The following ARHGAP18 variants were observed in gnomAD, a reference collection of about 807,000 sequenced individuals.
The protein encoded by ARHGAP18 is Rho GTPase activating protein 18.
Under a neutral mutation model 86.2 loss-of-function variants are expected in ARHGAP18, and 67 were observed. That is an observed-to-expected ratio of 0.78 (90% CI 0.64 to 0.95). ARHGAP18 has a LOEUF of 0.95. Ranked by LOEUF, ARHGAP18 falls within the 40% of genes least tolerant of loss-of-function variation. The probability of loss-of-function intolerance (pLI) is 0.00; values close to 1 mark genes in which losing one functional copy is unlikely to be tolerated. For missense variants in ARHGAP18, 691 were observed against 780.4 expected, an observed-to-expected ratio of 0.89 and a Z score of 1.37; for synonymous variants, 283 against 280.4, an observed-to-expected ratio of 1.01 and a Z score of -0.09.
chr6:129,650,893 T>C (rs950106123), intron 1 of ARHGAP18, among the ~76,000 whole-genome samples: 2 of 152,200 alleles, frequency 1.3e-5, no homozygotes, highest in African/African-American at 2.4e-5. Flanking sequence ...CCTTTCTCTG[T>C]GGGGCTGGAA....
chr6:129,673,353 CAA>C (rs201938074), intron 1 of ARHGAP18, among the ~76,000 whole-genome samples: 9 of 81,710 alleles, frequency 1.1e-4, no homozygotes, highest in Non-Finnish European at 7.8e-5. Context: ...ATAGTCATGC[CAA>C]AAAAAAAAAA....
rs773730661 is a variant in ARHGAP18 at position 129,710,147 on chromosome 6, G to A, written c.-11C>T. 6 of 1,599,042 alleles carry A rather than the reference G, an allele frequency of 3.8e-6. No individual in the cohort carries two copies. The highest frequency in any genetic ancestry group is 4.3e-6 in the Non-Finnish European group (5 of 1,167,262). On this transcript the variant is annotated 5_prime_UTR_variant, in exon 1 of 15. Coordinates refer to ENST00000368149, the MANE Select transcript of ARHGAP18 (RefSeq NM_033515.3). ...GGAGAGCCAGCTCATGGTGAGAGAA[G>A]GGACATACTTTCTGCGATCCTGACA...
chr6:129,616,148 A>T (rs1789093049), intron 7 of ARHGAP18, 64 bp downstream of exon 7: 1 of 1,254,392 alleles, frequency 8.0e-7, no homozygotes, highest in Non-Finnish European at 1.1e-6. Context: ...TAATAATATG[A>T]ATACAAAAAC....
chr6:129,627,349 C>G (rs1367769402), intron 5 of ARHGAP18, among the ~76,000 whole-genome samples: 2 of 151,490 alleles, frequency 1.3e-5, no homozygotes, highest in Non-Finnish European at 2.9e-5. Flanking sequence ...ATTAATGGAT[C>G]CAGGTATTGA....
intron 4 of ARHGAP18, among the ~76,000 whole-genome samples, chr6:129,630,990 C>A (rs1773192249): frequency 6.6e-6 from 1 of 152,202 alleles, no homozygotes. Flanking sequence ...TGTTTCTCAA[C>A]AGCCTGTGAC....
At chr6:129,613,782 A>G (rs1789033578) in intron 7 of ARHGAP18, among the ~76,000 whole-genome samples, 1 of 152,182 alleles carries the variant, frequency 6.6e-6, no homozygotes, top group Admixed American at 6.5e-5. Flanking sequence ...CATTCCTTTT[A>G]TTATCAGGAT....
At chr6:129,705,942 G>T (rs549264559) in intron 1 of ARHGAP18, among the ~76,000 whole-genome samples, 1 of 152,316 alleles carries the variant, frequency 6.6e-6, no homozygotes, top group East Asian at 1.9e-4. Context: ...TGTCACCCCT[G>T]TGTAGTGCCT....
intron 12 of ARHGAP18, among the ~76,000 whole-genome samples, chr6:129,591,225 T>C (rs1282075643): frequency 6.6e-6 from 1 of 152,244 alleles, no homozygotes; most frequent in Non-Finnish European, 1.5e-5. Context: ...TAAGCCAGTC[T>C]GTTCTTAACT....
intron 1 of ARHGAP18, among the ~76,000 whole-genome samples, chr6:129,683,130 G>A (rs1192879238): frequency 6.7e-6 from 1 of 149,964 alleles, no homozygotes; most frequent in African/African-American, 2.5e-5. Flanking sequence ...GGACTGCAGT[G>A]GCGTGATCTC....
At chr6:129,700,018 G>A (rs1774685425) in intron 1 of ARHGAP18, among the ~76,000 whole-genome samples, 1 of 152,174 alleles carries the variant, frequency 6.6e-6, no homozygotes, top group Non-Finnish European at 1.5e-5. Context: ...ATGGGGCACA[G>A]AGCTTAAGAA....
chr6:129,697,442 ATT>A (rs5879962), intron 1 of ARHGAP18, among the ~76,000 whole-genome samples: 3,870 of 148,546 alleles, frequency 0.026, 107 homozygotes, highest in Admixed American at 0.071. Context: ...TGCAGATGGG[ATT>A]TTTTTTTTTT....
At chr6:129,663,398 G>T (rs1773989148) in intron 1 of ARHGAP18, among the ~76,000 whole-genome samples, 1 of 152,150 alleles carries the variant, frequency 6.6e-6, no homozygotes, top group South Asian at 2.1e-4. Context: ...TAGAGATGAA[G>T]ATAAAAAACA....
At chr6:129,689,330 G>A (rs1774485960) in intron 1 of ARHGAP18, among the ~76,000 whole-genome samples, 1 of 152,140 alleles carries the variant, frequency 6.6e-6, no homozygotes. Flanking sequence ...GTCTCACTCT[G>A]TCACCCAAGC....
In ARHGAP18 at chr6:129,633,266, TAA is replaced by T. The variant is rs10713691; in HGVS notation, c.616+774_616+775del. ...AACATGGTGAAACCCTGTCTCTACTTAAAAAAAAAAAAAAAAAAATTAGCTGG... is the reference window on the plus strand; with the variant it reads ...AACATGGTGAAACCCTGTCTCTACTTAAAAAAAAAAAAAAAAATTAGCTGG... On this transcript the variant is annotated intron_variant, in intron 4 of 14. Coordinates refer to ENST00000368149, the MANE Select transcript of ARHGAP18 (RefSeq NM_033515.3). 5.5e-3 allele frequency among the ~76,000 whole-genome samples: 723 copies of T among 132,226 alleles called. 1 individual carries two copies. Among genetic ancestry groups the T allele is most frequent in the African/African-American group, 0.015 (531 of 35,348 alleles). The allele number at this position is 132,226 out of a possible 152,430, so 86.7% of individuals were successfully genotyped here. A position where few individuals can be genotyped will look rare whatever the true frequency, so the allele number is the denominator to read the frequency against.
chr6:129,604,825 G>A (rs1268350530), intron 10 of ARHGAP18, among the ~76,000 whole-genome samples: 1 of 152,136 alleles, frequency 6.6e-6, no homozygotes, highest in Non-Finnish European at 1.5e-5. Context: ...CTCCTGTAGC[G>A]GACGTAGCGT....
chr6:129,613,232 CAAAAAAAAA>C (rs71028167), intron 7 of ARHGAP18, among the ~76,000 whole-genome samples: 1 of 94,190 alleles, frequency 1.1e-5, no homozygotes, highest in South Asian at 3.9e-4. Flanking sequence ...GACTCTGTCT[CAAAAAAAAA>C]AAAAAAAAGA....
chr6:129,642,180 T>C (rs1337173246), intron 1 of ARHGAP18, among the ~76,000 whole-genome samples, 162 bp from the exon 2 acceptor site: 1 of 152,246 alleles, frequency 6.6e-6, no homozygotes, highest in East Asian at 1.9e-4. Flanking sequence ...TGGATTATAA[T>C]ATGCTTGTAG....
intron 4 of ARHGAP18, 89 bp downstream of exon 4, chr6:129,633,953 G>C (rs574986189): frequency 8.9e-7 from 1 of 1,127,188 alleles, no homozygotes; most frequent in African/African-American, 1.6e-5. Context: ...TTGCTTACTA[G>C]AATTGAAGGT....
intron 14 of ARHGAP18, among the ~76,000 whole-genome samples, chr6:129,579,181 G>A (rs961400416): frequency 9.9e-5 from 15 of 152,026 alleles, no homozygotes; most frequent in Non-Finnish European, 1.5e-4. Flanking sequence ...AGGGGCAATG[G>A]TTTTGAATCC....
Sources: allele counts gnomAD v4.1 joint callset (sites outside exome capture counted in the v4.1 genomes callset), GRCh38; gene constraint gnomAD v4.1.1; transcripts MANE v1.5; gene names NCBI Gene and HGNC (gene_info 2026-07-23, HGNC 2026-07-21).